The following ARL6IP5 variants were observed in gnomAD, a reference collection of about 807,000 sequenced individuals.
ARL6IP5 encodes the protein PRA1 family protein 3.
In ARL6IP5, 6 loss-of-function variants were observed where a neutral mutation model predicts 13.0. The ratio of observed to expected loss-of-function variants is 0.46; its 90% CI spans 0.25 to 0.91. The LOEUF (loss-of-function observed/expected upper bound fraction) is 0.91, where lower values mean the gene tolerates loss of function less well. ARL6IP5 is among the 40% of genes least tolerant of loss of function. The pLI is 0.17. For synonymous variants in ARL6IP5, 91 were observed against 91.9 expected, an observed-to-expected ratio of 0.99 and a Z score of 0.06; for missense variants, 208 against 248.8, an observed-to-expected ratio of 0.84 and a Z score of 1.10.
chr3:69,097,884 G>A (rs1384124938), intron 1 of ARL6IP5, among the ~76,000 whole-genome samples: 1 of 152,172 alleles, frequency 6.6e-6, no homozygotes, highest in African/African-American at 2.4e-5. Context: ...GAACAGCTTC[G>A]CTGTGGTTCA....
chr3:69,093,486 A>T (rs1411595469), intron 1 of ARL6IP5, among the ~76,000 whole-genome samples: 2 of 152,192 alleles, frequency 1.3e-5, no homozygotes, highest in African/African-American at 4.8e-5. Flanking sequence ...CAAAGCCCAC[A>T]TTTATGCCTA....
intron 1 of ARL6IP5, among the ~76,000 whole-genome samples, 165 bp downstream of exon 1, chr3:69,085,388 C>G (rs909668706): frequency 6.6e-6 from 1 of 152,142 alleles, no homozygotes; most frequent in Non-Finnish European, 1.5e-5. Flanking sequence ...AGGGCGAGGC[C>G]GCAGTAACCT....
In ARL6IP5 at chr3:69,105,458, C is replaced by A. The variant is rs1460767776; in HGVS notation, c.*822C>A. The A allele has an allele frequency of 6.6e-6, 1 of 152,158 alleles. No individual in the cohort carries two copies. Among genetic ancestry groups the A allele is most frequent in the Non-Finnish European group, 1.5e-5 (1 of 68,042 alleles). 9.4% of individuals were successfully genotyped at this position (152,158 alleles called of 1,614,324 possible). A position where few individuals can be genotyped will look rare whatever the true frequency, so the allele number is the denominator to read the frequency against. On this transcript the variant is annotated 3_prime_UTR_variant, in exon 3 of 3. Coordinates refer to ENST00000273258, the MANE Select transcript of ARL6IP5 (RefSeq NM_006407.4). ...AAAAATGGTCCAAGAAAATGTTTGCCATTTTTGCATTGTTTCGTTTTTAAC... is the reference window on the plus strand; with the variant it reads ...AAAAATGGTCCAAGAAAATGTTTGCAATTTTTGCATTGTTTCGTTTTTAAC...
chr3:69,089,010 C>T (rs2092256812), intron 1 of ARL6IP5, among the ~76,000 whole-genome samples: 1 of 152,186 alleles, frequency 6.6e-6, no homozygotes. Context: ...CATGGAACAG[C>T]AGCATCTTTC....
intron 1 of ARL6IP5, among the ~76,000 whole-genome samples, chr3:69,099,113 T>A (rs2092296275): frequency 2.3e-5 from 2 of 86,490 alleles, no homozygotes; most frequent in Non-Finnish European, 4.5e-5. Context: ...TAATAGCACT[T>A]TGGGAGGCTG....
At chr3:69,101,263 A>G (rs2092304352) in intron 1 of ARL6IP5, among the ~76,000 whole-genome samples, 1 of 147,870 alleles carries the variant, frequency 6.8e-6, no homozygotes, top group Admixed American at 6.7e-5. Context: ...AAAATTGTGG[A>G]CCTCTAACGA....
intron 1 of ARL6IP5, among the ~76,000 whole-genome samples, chr3:69,101,316 C>CTTTTTTTATTTTTTTTTT (rs2092304481): frequency 8.4e-6 from 1 of 119,446 alleles, no homozygotes; most frequent in Non-Finnish European, 1.7e-5. Context: ...TCAGCTCCAC[C>CTTTTTTTATTTTTTTTTT]TTTTTTTTTT....
intron 1 of ARL6IP5, among the ~76,000 whole-genome samples, chr3:69,088,199 G>A (rs184527062): frequency 3.0e-4 from 46 of 152,234 alleles, no homozygotes; most frequent in African/African-American, 1.0e-3. Flanking sequence ...GTTAGGGAGC[G>A]TCCTTGATTC....
chr3:69,099,239 C>T (rs1182174589), intron 1 of ARL6IP5, among the ~76,000 whole-genome samples: 8 of 151,518 alleles, frequency 5.3e-5, no homozygotes, highest in Non-Finnish European at 4.4e-5. Flanking sequence ...GGCATGTTGG[C>T]GGGTGCCTGT....
intron 1 of ARL6IP5, among the ~76,000 whole-genome samples, chr3:69,085,613 C>A (rs1206952958): frequency 2.0e-5 from 3 of 152,150 alleles, no homozygotes; most frequent in African/African-American, 7.2e-5. Flanking sequence ...GTAACCCTAC[C>A]CTGGAGCTGG....
chr3:69,105,022 T>A lies in ARL6IP5; in HGVS notation c.*386T>A. On this transcript the variant is annotated 3_prime_UTR_variant, in exon 3 of 3. Transcript: ENST00000273258. Reference sequence around the variant, plus strand: ...AGACAATACGAGTAAATGAAAAGGCTGTTAAAGTAGATGACATCATGTGTT... The same window carrying A: ...AGACAATACGAGTAAATGAAAAGGCAGTTAAAGTAGATGACATCATGTGTT... 1.6e-6 allele frequency: 1 copy of A among 623,786 alleles called. No individual in the cohort carries two copies. The highest frequency in any genetic ancestry group is 2.8e-6 in the Non-Finnish European group (1 of 352,846). The allele number at this position is 623,786 out of a possible 1,614,324, so 38.6% of individuals were successfully genotyped here.
At chr3:69,096,548 A>G (rs1481150270) in intron 1 of ARL6IP5, among the ~76,000 whole-genome samples, 1 of 151,546 alleles carries the variant, frequency 6.6e-6, no homozygotes, top group Admixed American at 6.6e-5. Flanking sequence ...CTTGAATTTC[A>G]ATCCTCCATT....
chr3:69,104,110 G>A (rs1159152283), intron 2 of ARL6IP5, among the ~76,000 whole-genome samples: 3 of 152,142 alleles, frequency 2.0e-5, no homozygotes, highest in South Asian at 2.1e-4. Flanking sequence ...CGGGTAAGTT[G>A]ATTTTTAAGT....
In ARL6IP5 at chr3:69,104,688, C is replaced by G. The variant is rs774538824; in HGVS notation, c.*52C>G. ...AGCAGAAATTGAGTTGCAGCTTGCC[C>G]TTGTCCAGACCTATGTTCTGCTTGC... On this transcript the variant is annotated 3_prime_UTR_variant, in exon 3 of 3. Transcript: ENST00000273258. 1.0e-4 allele frequency: 161 copies of G among 1,591,920 alleles called. 1 individual carries two copies. Among genetic ancestry groups the G allele is most frequent in the Middle Eastern group, 5.0e-4 (3 of 5,976 alleles).
chr3:69,085,848 G>T (rs890414905), intron 1 of ARL6IP5, among the ~76,000 whole-genome samples: 3 of 152,180 alleles, frequency 2.0e-5, no homozygotes, highest in Non-Finnish European at 4.4e-5. Flanking sequence ...GTGGCCAGGC[G>T]TGGTCACTTT....
intron 1 of ARL6IP5, among the ~76,000 whole-genome samples, chr3:69,095,602 C>A (rs2092284422): frequency 6.6e-6 from 1 of 151,482 alleles, no homozygotes; most frequent in African/African-American, 2.4e-5. Context: ...TCAAGTGATT[C>A]TCGTGTCTCA....
In ARL6IP5 at chr3:69,084,987, T is replaced by C; in HGVS notation, c.-61T>C. The C allele has an allele frequency of 6.3e-7, 1 of 1,581,470 alleles. No individual in the cohort carries two copies. Among genetic ancestry groups the C allele is most frequent in the Non-Finnish European group, 8.6e-7 (1 of 1,164,384 alleles). Reference sequence around the variant, plus strand: ...TGTCAACTCTCCAACTCAGCTCAGCTGATCGGTTGCCGCCGCCGCCGCCGC... The same window carrying C: ...TGTCAACTCTCCAACTCAGCTCAGCCGATCGGTTGCCGCCGCCGCCGCCGC... On this transcript the variant is annotated 5_prime_UTR_variant, in exon 1 of 3. Coordinates refer to ENST00000273258, the MANE Select transcript of ARL6IP5 (RefSeq NM_006407.4).
intron 1 of ARL6IP5, among the ~76,000 whole-genome samples, chr3:69,098,087 T>A (rs1446803844): frequency 1.3e-5 from 2 of 151,934 alleles, no homozygotes; most frequent in Admixed American, 6.5e-5. Flanking sequence ...CTATTTCTTT[T>A]TTTTTTGGAA....
Position 69,104,484 on chromosome 3 carries a change from T to C in ARL6IP5, c.415T>C (p.Leu139=), listed in dbSNP as rs531808909. 2 of 1,613,902 alleles carry C rather than the reference T, an allele frequency of 1.2e-6. No individual in the cohort carries two copies. The highest frequency in any genetic ancestry group is 1.7e-5 in the Admixed American group (1 of 59,980). ...TGCAGTGATGTTTATCCATGCATCG[T>C]TGAGACTTCGGAACCTCAAGAACAA... ...PLLLMFIHAS[L]RLRNLKNKLE... is the part of the protein sequence containing the mutation. The change falls in exon 3 of 3, where the codon TTG becomes CTG. Residue 139 remains leucine, a synonymous_variant. Coordinates refer to ENST00000273258, the MANE Select transcript of ARL6IP5 (RefSeq NM_006407.4).
Sources: allele counts gnomAD v4.1 joint callset (sites outside exome capture counted in the v4.1 genomes callset), GRCh38; gene constraint gnomAD v4.1.1; transcripts MANE v1.5; gene names NCBI Gene and HGNC (gene_info 2026-07-23, HGNC 2026-07-21).